GMDS: variants seen among roughly 807,000 people sequenced by gnomAD.
GMDS encodes GDP-mannose 4,6-dehydratase, also known as GDP-mannose 4,6 dehydratase.
In GMDS, 20 loss-of-function variants were observed where a neutral mutation model predicts 49.9. The observed-to-expected ratio is 0.40, with a 90% CI of 0.28 to 0.58. The LOEUF (loss-of-function observed/expected upper bound fraction) is 0.58, where lower values mean the gene tolerates loss of function less well. Among genes scored for constraint, GMDS ranks in the 20% least tolerant of loss-of-function variants. The pLI is 0.42. For synonymous variants in GMDS, 177 were observed against 178.6 expected, an observed-to-expected ratio of 0.99 and a Z score of 0.07; for missense variants, 362 against 481.4, an observed-to-expected ratio of 0.75 and a Z score of 2.32.
At chr6:2,160,440 T>G (rs1410991450) in intron 1 of GMDS, among the ~76,000 whole-genome samples, 1 of 152,254 alleles carries the variant, frequency 6.6e-6, no homozygotes, top group Non-Finnish European at 1.5e-5. Context: ...GGAATCAACC[T>G]AGGTCTGACA....
intron 9 of GMDS, among the ~76,000 whole-genome samples, chr6:1,631,073 G>C (rs1252965797): frequency 6.6e-6 from 1 of 152,196 alleles, no homozygotes; most frequent in African/African-American, 2.4e-5. Flanking sequence ...CCCGAGGACA[G>C]GAGATAAAGC....
At chr6:1,671,022 A>G (rs1040844446) in intron 9 of GMDS, among the ~76,000 whole-genome samples, 2 of 152,104 alleles carry the variant, frequency 1.3e-5, no homozygotes, top group African/African-American at 2.4e-5. Context: ...GCTCATTTCC[A>G]TGTTGCTCCC....
At chr6:1,927,610 G>A (rs1197870623) in intron 7 of GMDS, among the ~76,000 whole-genome samples, 1 of 152,240 alleles carries the variant, frequency 6.6e-6, no homozygotes, top group Admixed American at 6.5e-5. Context: ...GTGCCCAGAT[G>A]TGGACTACAC....
intron 4 of GMDS, among the ~76,000 whole-genome samples, chr6:2,041,218 C>A (rs1769655091): frequency 6.6e-6 from 1 of 151,948 alleles, no homozygotes; most frequent in East Asian, 1.9e-4. Flanking sequence ...AACAGAATTT[C>A]TAATAACTGC....
intron 4 of GMDS, among the ~76,000 whole-genome samples, chr6:1,972,340 G>A (rs1764668622): frequency 1.4e-5 from 2 of 144,868 alleles, no homozygotes; most frequent in African/African-American, 5.1e-5. Flanking sequence ...CATATTAGAT[G>A]CCTTTTCTCT....
chr6:2,207,466 G>C (rs1779855631), intron 1 of GMDS, among the ~76,000 whole-genome samples: 1 of 151,790 alleles, frequency 6.6e-6, no homozygotes, highest in Non-Finnish European at 1.5e-5. Context: ...AATAATATAG[G>C]GATTGTATTT....
intron 7 of GMDS, among the ~76,000 whole-genome samples, chr6:1,922,225 G>C (rs998621064): frequency 3.3e-5 from 5 of 152,208 alleles, no homozygotes; most frequent in African/African-American, 1.2e-4. Context: ...TTAAGATAGA[G>C]AGCTCTCAGC....
chr6:1,773,566 T>C (rs1768671660), intron 7 of GMDS, among the ~76,000 whole-genome samples: 1 of 152,176 alleles, frequency 6.6e-6, no homozygotes, highest in African/African-American at 2.4e-5. Flanking sequence ...ACGTGTGGTG[T>C]GACAGCTTCA....
chr6:2,245,497 G>A lies in GMDS; in HGVS notation c.-75C>T. The A allele has an allele frequency of 3.8e-6, 3 of 792,764 alleles. No homozygotes were observed. The highest frequency in any genetic ancestry group is 5.4e-6 in the Non-Finnish European group (3 of 559,584). 49.1% of individuals were successfully genotyped at this position (792,764 alleles called of 1,614,324 possible). A position where few individuals can be genotyped will look rare whatever the true frequency, so the allele number is the denominator to read the frequency against. On this transcript the variant is annotated 5_prime_UTR_variant, in exon 1 of 11. Transcript: ENST00000380815. ...CAGGCGCGGTGCCGGCAGGAACGCG[G>A]GGGTGTGCAGCACGAAGCGCCTCTC...
At chr6:2,236,504 A>C (rs1181951550) in intron 1 of GMDS, among the ~76,000 whole-genome samples, 2 of 152,220 alleles carry the variant, frequency 1.3e-5, no homozygotes, top group Non-Finnish European at 1.5e-5. Context: ...GGTCTCTTGC[A>C]ACAAAGCTTC....
At chr6:2,159,514 CTTTTTTTTTTT>C (rs1157303919) in intron 1 of GMDS, among the ~76,000 whole-genome samples, 1 of 108,204 alleles carries the variant, frequency 9.2e-6, no homozygotes, top group Non-Finnish European at 1.9e-5. Flanking sequence ...TTCTTTTTTT[CTTTTTTTTTTT>C]TTTTTTTTTT....
At chr6:1,935,095 T>C (rs1291838026) in intron 6 of GMDS, among the ~76,000 whole-genome samples, 3 of 152,232 alleles carry the variant, frequency 2.0e-5, no homozygotes, top group Non-Finnish European at 4.4e-5. Context: ...ACTTGATTTA[T>C]AAAGCCTTAA....
At chr6:1,677,224 A>T (rs1010438223) in intron 9 of GMDS, among the ~76,000 whole-genome samples, 2 of 152,236 alleles carry the variant, frequency 1.3e-5, no homozygotes, top group Non-Finnish European at 2.9e-5. Context: ...TCAAAACCAC[A>T]ATGAGATACC....
At chr6:1,700,154 C>T (rs1765495006) in intron 9 of GMDS, among the ~76,000 whole-genome samples, 1 of 152,160 alleles carries the variant, frequency 6.6e-6, no homozygotes, top group African/African-American at 2.4e-5. Context: ...ATTCAAAGTG[C>T]AGGGAAAGGA....
At chr6:1,966,219 T>C (rs530022804) in intron 4 of GMDS, among the ~76,000 whole-genome samples, 1 of 152,304 alleles carries the variant, frequency 6.6e-6, no homozygotes, top group South Asian at 2.1e-4. Context: ...TTGGTTTCTA[T>C]CATTATCTTT....
intron 6 of GMDS, among the ~76,000 whole-genome samples, chr6:1,949,620 A>G (rs894457548): frequency 6.6e-6 from 1 of 152,148 alleles, no homozygotes; most frequent in Non-Finnish European, 1.5e-5. Context: ...TCTCTCCACA[A>G]AGAATAACAT....
chr6:1,988,869 A>C (rs1006295759), intron 4 of GMDS, among the ~76,000 whole-genome samples: 2 of 151,854 alleles, frequency 1.3e-5, no homozygotes, highest in Non-Finnish European at 2.9e-5. Context: ...TGAGAACCAA[A>C]AAAAAAAAGC....
At chr6:2,104,879 G>C (rs536579272) in intron 4 of GMDS, among the ~76,000 whole-genome samples, 16 of 152,208 alleles carry the variant, frequency 1.1e-4, no homozygotes, top group Non-Finnish European at 1.5e-4. Context: ...CCAAATGATA[G>C]AGTGAAATGA....
chr6:1,708,718 G>A (rs1379758351), intron 9 of GMDS, among the ~76,000 whole-genome samples: 6 of 152,340 alleles, frequency 3.9e-5, no homozygotes, highest in South Asian at 2.1e-4. Flanking sequence ...GCCAGTGAGC[G>A]CCGGGGGCCT....
Sources: gnomAD v4.1 joint callset for allele counts (sites outside exome capture counted in the v4.1 genomes callset) on GRCh38, gnomAD v4.1.1 for gene constraint, MANE v1.5 for transcripts, NCBI Gene and HGNC (gene_info 2026-07-23, HGNC 2026-07-21) for gene names.